The following OR9Q1 variants were observed in gnomAD, a reference collection of about 807,000 sequenced individuals.
The protein encoded by OR9Q1 is olfactory receptor 9Q1.
For synonymous variants in OR9Q1, 153 were observed against 148.6 expected (o/e 1.03, Z -0.22); for missense variants, 374 against 378.8 (o/e 0.99, Z 0.11).
chr11:58,171,990 C>A (rs947332165), intron 2 of OR9Q1, among the ~76,000 whole-genome samples: 1 of 151,948 alleles, frequency 6.6e-6, no homozygotes, highest in African/African-American at 2.4e-5. Context: ...GTAATGACAG[C>A]GACAGGGAAG....
Position 58,160,410 on chromosome 11 carries a change from A to G in OR9Q1, c.-14-19021A>G, listed in dbSNP as rs879508694. Among the ~76,000 whole-genome samples, 4 of 151,796 alleles carry G rather than the reference A, an allele frequency of 2.6e-5. No individual in the cohort carries two copies. In the South Asian group the frequency reaches 8.4e-4, roughly 32 times the overall value. The stretch of plus-strand genomic sequence containing the variant: ...GAAAAAGTAAGTCTAAGATGATTCC[A>G]AGAATTTTGATCTGAATGAGTAGAA... On this transcript the variant is annotated intron_variant, in intron 2 of 2. Coordinates refer to ENST00000335397, the MANE Select transcript of OR9Q1 (RefSeq NM_001005212.4).
chr11:58,096,769 T>C (rs1853736629), intron 2 of OR9Q1, among the ~76,000 whole-genome samples: 2 of 147,742 alleles, frequency 1.4e-5, no homozygotes, highest in East Asian at 4.3e-4. Flanking sequence ...AGTGGCGCAA[T>C]CTCGGCTCAC....
intron 1 of OR9Q1, among the ~76,000 whole-genome samples, chr11:58,054,974 T>C (rs1257571506): frequency 1.3e-5 from 2 of 152,148 alleles, no homozygotes; most frequent in African/African-American, 4.8e-5. Flanking sequence ...CAGTCAAATA[T>C]ATGTGTGTGT....
chr11:58,052,895 T>C (rs1238804025), intron 1 of OR9Q1, among the ~76,000 whole-genome samples: 1 of 151,832 alleles, frequency 6.6e-6, no homozygotes, highest in African/African-American at 2.4e-5. Flanking sequence ...AAAACCACAA[T>C]GAGATACCAT....
intron 2 of OR9Q1, among the ~76,000 whole-genome samples, chr11:58,071,163 A>G (rs1419359433): frequency 6.6e-6 from 1 of 152,164 alleles, no homozygotes; most frequent in South Asian, 2.1e-4. Flanking sequence ...TGGGCTGCAT[A>G]TGTATTTCCT....
intron 2 of OR9Q1, among the ~76,000 whole-genome samples, chr11:58,131,783 G>A (rs7120442): frequency 0.22 from 34,074 of 151,970 alleles, 4,167 homozygotes; most frequent in Middle Eastern, 0.38. Context: ...TGTCCAATGA[G>A]GAGTCTCAAT....
chr11:58,135,176 T>A (rs938542714), intron 2 of OR9Q1, among the ~76,000 whole-genome samples: 3 of 152,218 alleles, frequency 2.0e-5, no homozygotes, highest in Non-Finnish European at 4.4e-5. Flanking sequence ...CTTGAGACCA[T>A]GCTGGTTCTG....
intron 2 of OR9Q1, among the ~76,000 whole-genome samples, chr11:58,161,534 G>A (rs373239273): frequency 4.0e-5 from 6 of 148,216 alleles, no homozygotes; most frequent in Admixed American, 2.7e-4. Context: ...TTTTTGTTTT[G>A]CTCAGGCTTA....
chr11:58,136,463 A>G (rs755168160), intron 2 of OR9Q1, among the ~76,000 whole-genome samples: 2 of 152,114 alleles, frequency 1.3e-5, no homozygotes, highest in Non-Finnish European at 2.9e-5. Flanking sequence ...CCTGGGACCA[A>G]ATATTTTCCT....
intron 2 of OR9Q1, among the ~76,000 whole-genome samples, chr11:58,133,955 G>A (rs1282641897): frequency 5.3e-5 from 8 of 152,166 alleles, no homozygotes; most frequent in Non-Finnish European, 7.3e-5. Flanking sequence ...ATACCAGAGA[G>A]GATATTTCTG....
intron 2 of OR9Q1, among the ~76,000 whole-genome samples, chr11:58,134,642 T>G (rs921443): frequency 0.82 from 124,462 of 152,118 alleles, 51,066 homozygotes; most frequent in East Asian, 0.96. Context: ...CCTTCTAGAA[T>G]TTTATTACAG....
At chr11:58,129,009 G>A (rs1027120669) in intron 2 of OR9Q1, among the ~76,000 whole-genome samples, 2 of 152,074 alleles carry the variant, frequency 1.3e-5, no homozygotes, top group Non-Finnish European at 2.9e-5. Context: ...TTTTAGCTAG[G>A]TTATCCTTGG....
intron 2 of OR9Q1, among the ~76,000 whole-genome samples, chr11:58,136,999 G>T (rs2514192): frequency 0.13 from 20,203 of 152,114 alleles, 2,091 homozygotes; most frequent in African/African-American, 0.25. Context: ...TTGAACCACA[G>T]TTTATGCACT....
intron 2 of OR9Q1, among the ~76,000 whole-genome samples, chr11:58,089,777 A>G (rs1198367417): frequency 2.0e-5 from 3 of 151,838 alleles, no homozygotes; most frequent in Non-Finnish European, 4.4e-5. Flanking sequence ...GATTCTTCCT[A>G]TCCATGATCA....
intron 1 of OR9Q1, among the ~76,000 whole-genome samples, chr11:58,055,450 G>C (rs1209888309): frequency 6.6e-6 from 1 of 152,066 alleles, no homozygotes; most frequent in Admixed American, 6.6e-5. Flanking sequence ...CTAAGAGGTG[G>C]GGCAGTTTCA....
intron 1 of OR9Q1, among the ~76,000 whole-genome samples, chr11:58,029,575 C>A (rs535289593): frequency 3.3e-5 from 5 of 152,240 alleles, no homozygotes; most frequent in African/African-American, 1.2e-4. Context: ...TCATTTAATT[C>A]TAAAATGAGA....
At chr11:58,082,757 A>G (rs1853600526) in intron 2 of OR9Q1, among the ~76,000 whole-genome samples, 1 of 130,366 alleles carries the variant, frequency 7.7e-6, no homozygotes, top group Admixed American at 7.5e-5. Flanking sequence ...AATAATAATA[A>G]TAATAATAAT....
chr11:58,158,409 C>T (rs1023582237), intron 2 of OR9Q1, among the ~76,000 whole-genome samples: 6 of 144,270 alleles, frequency 4.2e-5, no homozygotes, highest in African/African-American at 5.1e-5. Context: ...TAAACATAGC[C>T]GCCTAGGTCT....
At chr11:58,058,129 C>T (rs1853344918) in intron 2 of OR9Q1, among the ~76,000 whole-genome samples, 1 of 152,210 alleles carries the variant, frequency 6.6e-6, no homozygotes, top group African/African-American at 2.4e-5. Flanking sequence ...TGGCCACTCA[C>T]CTGAGAAAGC....
Sources: gnomAD v4.1 joint callset for allele counts (sites outside exome capture counted in the v4.1 genomes callset) on GRCh38, gnomAD v4.1.1 for gene constraint, MANE v1.5 for transcripts, NCBI Gene and HGNC (gene_info 2026-07-23, HGNC 2026-07-21) for gene names.